DUSP8: variants seen among roughly 807,000 people sequenced by gnomAD.
DUSP8 encodes dual specificity phosphatase 8.
In DUSP8, 15 loss-of-function variants were observed where a neutral mutation model predicts 38.7. The ratio of observed to expected loss-of-function variants is 0.39; its 90% CI spans 0.26 to 0.60. The LOEUF (loss-of-function observed/expected upper bound fraction) is 0.60, where lower values mean the gene tolerates loss of function less well. DUSP8 is among the 20% of genes least tolerant of loss of function. The pLI, the probability that DUSP8 is intolerant of heterozygous loss-of-function variation, is 0.56. For synonymous variants in DUSP8, 458 were observed against 433.9 expected (o/e 1.06, Z -0.69); for missense variants, 768 against 915.0 (o/e 0.84, Z 2.07).
In DUSP8 at chr11:1,556,229, A is replaced by G. The variant is rs1848620340; in HGVS notation, c.*289T>C. 3.4e-6 allele frequency: 1 copy of G among 296,196 alleles called. No individual in the cohort carries two copies. Among genetic ancestry groups the G allele is most frequent in the Non-Finnish European group, 6.1e-6 (1 of 163,180 alleles). The allele number at this position is 296,196 out of a possible 1,614,324, so 18.3% of individuals were successfully genotyped here. A position where few individuals can be genotyped will look rare whatever the true frequency, so the allele number is the denominator to read the frequency against. On this transcript the variant is annotated 3_prime_UTR_variant, in exon 7 of 7. Coordinates refer to ENST00000397374, the MANE Select transcript of DUSP8 (RefSeq NM_004420.3). This position sits in a 1 kb window ranked among gnomAD's most constrained non-coding sequence, Gnocchi z 5.2. ...CAGCAGTGTTTCCTGGGGCGGGGGA[A>G]CTGGGAGGGGCCCCAGGCCTGGCAC...
At chr11:1,561,592 G>C (rs938797436) in intron 3 of DUSP8, among the ~76,000 whole-genome samples, 2 of 152,232 alleles carry the variant, frequency 1.3e-5, no homozygotes, top group African/African-American at 4.8e-5. Flanking sequence ...AGGAGCGGCA[G>C]GGGGAGGTGG....
In DUSP8 at chr11:1,570,028, G is replaced by A. The variant is rs555726620; in HGVS notation, c.-109+1873C>T. Reference sequence around the variant, plus strand: ...CCCCTCAGCTCCCTTGGCTAGTGCTGTAGGACCCAAGCTGGCCTACACTCT... The same window carrying A: ...CCCCTCAGCTCCCTTGGCTAGTGCTATAGGACCCAAGCTGGCCTACACTCT... On this transcript the variant is annotated intron_variant, in intron 1 of 6. Coordinates refer to ENST00000397374, the MANE Select transcript of DUSP8 (RefSeq NM_004420.3). Among the ~76,000 whole-genome samples, 3 of 152,306 alleles carry A rather than the reference G, an allele frequency of 2.0e-5. No homozygotes were observed. The South Asian group carries it at 6.2e-4, about 32-fold the overall frequency.
chr11:1,557,336 C>A lies in DUSP8; in HGVS notation c.1060G>T (p.Ala354Ser). ...NAAAREGGLS[A>S]GGEPPAPPTP... Reference sequence around the variant, plus strand: ...GGGGGCGCGGGGGGCTCCCCGCCCGCGCTCAGGCCGCCCTCCCTGGCAGCC... The same window carrying A: ...GGGGGCGCGGGGGGCTCCCCGCCCGAGCTCAGGCCGCCCTCCCTGGCAGCC... Residue 354 changes from alanine to serine, a missense_variant, in exon 7 of 7, where the codon GCG becomes TCG. Physicochemically the swap from Ala to Ser is moderately conservative, Grantham distance 99 (BLOSUM62 1). Transcript: ENST00000397374. This position sits in a 1 kb window ranked among gnomAD's most constrained non-coding sequence, Gnocchi z 9.9. The A allele has an allele frequency of 6.5e-7, 1 of 1,529,358 alleles. No homozygotes were observed. Among genetic ancestry groups the A allele is most frequent in the Non-Finnish European group, 8.7e-7 (1 of 1,150,920 alleles). The allele number at this position is 1,529,358 out of a possible 1,614,324, so 94.7% of individuals were successfully genotyped here. A position where few individuals can be genotyped will look rare whatever the true frequency, so the allele number is the denominator to read the frequency against.
rs372718516 is a variant in DUSP8 at position 1,557,335 on chromosome 11, G to A, written c.1061C>T (p.Ala354Val). ...GGGGGGCGCGGGGGGCTCCCCGCCC[G>A]CGCTCAGGCCGCCCTCCCTGGCAGC... ...NAAAREGGLS[A>V]GGEPPAPPTP... is the part of the protein sequence containing the mutation. Residue 354 changes from alanine to valine, a missense_variant, in exon 7 of 7, where the codon GCG becomes GTG. Ala to Val is a moderately conservative substitution (Grantham distance 64). Around this residue, in one of 3 missense-constraint regions of DUSP8, gnomAD observed 474 missense variants for 430.8 expected, o/e 1.10. Coordinates refer to ENST00000397374, the MANE Select transcript of DUSP8 (RefSeq NM_004420.3). This position sits in a 1 kb window ranked among gnomAD's most constrained non-coding sequence, Gnocchi z 9.9. 4 of 1,526,140 alleles carry A rather than the reference G, an allele frequency of 2.6e-6. No homozygotes were observed. Among genetic ancestry groups the A allele is most frequent in the Non-Finnish European group, 2.6e-6 (3 of 1,149,754 alleles). The allele number at this position is 1,526,140 out of a possible 1,614,324, so 94.5% of individuals were successfully genotyped here. A position where few individuals can be genotyped will look rare whatever the true frequency, so the allele number is the denominator to read the frequency against.
chr11:1,562,697 A>G (rs1053348143), intron 3 of DUSP8, among the ~76,000 whole-genome samples: 14 of 151,800 alleles, frequency 9.2e-5, no homozygotes, highest in African/African-American at 3.1e-4. Context: ...ACATGCACAC[A>G]CACACATACA....
chr11:1,572,299 G>A (rs1390585722), upstream of DUSP8, among the ~76,000 whole-genome samples: 1 of 149,562 alleles, frequency 6.7e-6, no homozygotes, highest in African/African-American at 2.4e-5. This position sits in a 1 kb window ranked among gnomAD's most constrained non-coding sequence, Gnocchi z 4.7. Flanking sequence ...GGGCGGGGCC[G>A]CCGGCGGGGA....
At chr11:1,560,264 G>C (rs1160004331) in intron 3 of DUSP8, among the ~76,000 whole-genome samples, 1 of 152,152 alleles carries the variant, frequency 6.6e-6, no homozygotes, top group African/African-American at 2.4e-5. Flanking sequence ...CAGGGCCTGG[G>C]AACCCCAGGG....
intron 1 of DUSP8, among the ~76,000 whole-genome samples, chr11:1,566,699 A>G (rs1420831045): frequency 6.6e-6 from 1 of 152,098 alleles, no homozygotes; most frequent in African/African-American, 2.4e-5. Flanking sequence ...CCCCTAGCGG[A>G]GCCTGGGGTC....
In DUSP8 at chr11:1,557,432, T is replaced by A. The variant is rs747848347; in HGVS notation, c.964A>T (p.Ser322Cys). The A allele has an allele frequency of 1.3e-5, 21 of 1,562,582 alleles. No individual in the cohort carries two copies. The highest frequency in any genetic ancestry group is 1.8e-5 in the Non-Finnish European group (21 of 1,166,732). ...TPSGTPEPPPSPAAGAPLPRL... is the reference protein window; with the variant it reads ...TPSGTPEPPPCPAAGAPLPRL... ...GGCAGCGGGGCCCCGGCGGCAGGAC[T>A]GGGCGGAGGCTCCGGCGTCCCTGAG... is the stretch of plus-strand genomic sequence containing the variant. Residue 322 changes from serine (S) to cysteine (C), a missense_variant, in exon 7 of 7, where the codon AGT becomes TGT. Coordinates refer to ENST00000397374, the MANE Select transcript of DUSP8 (RefSeq NM_004420.3). This position sits in a 1 kb window ranked among gnomAD's most constrained non-coding sequence, Gnocchi z 9.9.
In DUSP8 at chr11:1,556,425, C is replaced by A; in HGVS notation, c.*93G>T. ...AAATATTTACTTCTCGATAAAAATC[C>A]CAGTAAAACCATTTACCTTTCTTTG... On this transcript the variant is annotated 3_prime_UTR_variant, in exon 7 of 7. Transcript: ENST00000397374. The surrounding 1 kb of genome is among the most constrained non-coding windows in gnomAD (Gnocchi z 5.2). 1 of 1,225,664 alleles carries A rather than the reference C, an allele frequency of 8.2e-7. No individual in the cohort carries two copies. The highest frequency in any genetic ancestry group is 1.0e-6 in the Non-Finnish European group (1 of 982,954). 75.9% of individuals were successfully genotyped at this position (1,225,664 alleles called of 1,614,324 possible).
intron 1 of DUSP8, chr11:1,571,547 G>A (rs1179890826): frequency 6.6e-6 from 1 of 152,246 alleles, no homozygotes; most frequent in Non-Finnish European, 1.5e-5. Flanking sequence ...CGGGACGTCG[G>A]GGGCTCGCGC....
In DUSP8 at chr11:1,565,686, G is replaced by C. The variant is rs1277656023; in HGVS notation, c.141C>G (p.Val47=). The C allele has an allele frequency of 6.2e-7, 1 of 1,611,840 alleles. No individual in the cohort carries two copies. The highest frequency in any genetic ancestry group is 1.7e-5 in the Admixed American group (1 of 59,990). Residue 47 remains valine, a synonymous_variant, in exon 2 of 7, where the codon GTC becomes GTG. Transcript: ENST00000397374. ...TCACCAGCTTGGAGCAGCAGATGTT[G>C]ACGGAGCTGAGCACATGCCAGCTGT... ...EYNSWHVLSS[V]NICCSKLVKR... is the part of the protein sequence containing the mutation.
intron 3 of DUSP8, among the ~76,000 whole-genome samples, chr11:1,560,019 G>A (rs1162078550): frequency 6.6e-5 from 10 of 152,204 alleles, no homozygotes; most frequent in Non-Finnish European, 8.8e-5. Context: ...GGACCTGGCC[G>A]TCCCTGACCT....
intron 3 of DUSP8, among the ~76,000 whole-genome samples, chr11:1,561,818 C>T (rs928648461): frequency 2.0e-5 from 3 of 152,084 alleles, no homozygotes; most frequent in Non-Finnish European, 2.9e-5. Context: ...CCTGCCCCCC[C>T]CAATATATTC....
chr11:1,557,924 A>C lies in DUSP8; in HGVS notation c.698-7T>G. 6.2e-7 allele frequency: 1 copy of C among 1,613,814 alleles called. No homozygotes were observed. ...CTGGAGAGCTTGGCTTTATCTGGGCAGGTGGGCCATGGGGGCCAGGTGAGG... is the reference window on the plus strand; with the variant it reads ...CTGGAGAGCTTGGCTTTATCTGGGCCGGTGGGCCATGGGGGCCAGGTGAGG... On this transcript the variant is annotated splice_region_variant and splice_polypyrimidine_tract_variant and intron_variant, in intron 5 of 6. Coordinates refer to ENST00000397374, the MANE Select transcript of DUSP8 (RefSeq NM_004420.3). This position sits in a 1 kb window ranked among gnomAD's most constrained non-coding sequence, Gnocchi z 9.9.
chr11:1,570,642 A>G (rs1206126531), intron 1 of DUSP8, among the ~76,000 whole-genome samples: 1 of 152,128 alleles, frequency 6.6e-6, no homozygotes, highest in Non-Finnish European at 1.5e-5. Flanking sequence ...ACACTCGTGC[A>G]GCCCCCGGCT....
intron 3 of DUSP8, among the ~76,000 whole-genome samples, chr11:1,562,197 C>A (rs1321445279): frequency 2.6e-5 from 4 of 152,192 alleles, no homozygotes; most frequent in Non-Finnish European, 4.4e-5. Context: ...CCCAGCCCCC[C>A]AAACCGTCCC....
In DUSP8 at chr11:1,556,726, C is replaced by T. The variant is rs1848630722; in HGVS notation, c.1670G>A (p.Arg557Gln). ...CTCAGCCCTCGCTGCCTCCCGCCGCCGCAGGTCGCTGCCGCCGCCTGGTCC... is the reference window on the plus strand; with the variant it reads ...CTCAGCCCTCGCTGCCTCCCGCCGCTGCAGGTCGCTGCCGCCGCCTGGTCC... ...APGPGGGSDL[R>Q]RREAARAEPR... Residue 557 changes from arginine (R) to glutamine (Q), a missense_variant, in exon 7 of 7, where the codon CGG (arginine) becomes CAG (glutamine). By Grantham distance (43) the Arg-to-Gln change is conservative. Around this residue, in one of 3 missense-constraint regions of DUSP8, gnomAD observed 474 missense variants for 430.8 expected, o/e 1.10. Transcript: ENST00000397374. This position sits in a 1 kb window ranked among gnomAD's most constrained non-coding sequence, Gnocchi z 5.2. The T allele has an allele frequency of 2.4e-6, 3 of 1,232,398 alleles. No homozygotes were observed. Among genetic ancestry groups the T allele is most frequent in the East Asian group, 3.2e-5 (1 of 31,192 alleles). 76.3% of individuals were successfully genotyped at this position (1,232,398 alleles called of 1,614,324 possible).
rs560985521 is a variant in DUSP8 at position 1,554,701 on chromosome 11, G to T, written c.*1817C>A. Reference sequence around the variant, plus strand: ...ACTGTCTCCCGGACAGCACAGGGGTGGGGGGCGAGAAGCGGGAAGCCAGTG... The same window carrying T: ...ACTGTCTCCCGGACAGCACAGGGGTTGGGGGCGAGAAGCGGGAAGCCAGTG... On this transcript the variant is annotated 3_prime_UTR_variant, in exon 7 of 7. Coordinates refer to ENST00000397374, the MANE Select transcript of DUSP8 (RefSeq NM_004420.3). 98 of 839,412 alleles carry T rather than the reference G, an allele frequency of 1.2e-4. No homozygotes were observed. In the South Asian group the frequency reaches 4.6e-3, roughly 39 times the overall value. The allele number at this position is 839,412 out of a possible 1,614,324, so 52.0% of individuals were successfully genotyped here.
Sources: allele counts gnomAD v4.1 joint callset (sites outside exome capture counted in the v4.1 genomes callset), GRCh38; gene constraint gnomAD v4.1.1; regional missense constraint gnomAD v4.1.1; non-coding constraint Gnocchi (gnomAD v3.1); transcripts MANE v1.5; gene names NCBI Gene and HGNC (gene_info 2026-07-23, HGNC 2026-07-21).